Variants in DIDO1 observed in about 807,000 individuals in gnomAD.
The protein encoded by DIDO1 is death inducer-obliterator 1, also known as death-inducer obliterator 1.
Under a neutral mutation model 99.4 loss-of-function variants are expected in DIDO1, and 16 were observed. That is an observed-to-expected ratio of 0.16 (90% CI 0.11 to 0.24). DIDO1 has a LOEUF of 0.24. DIDO1 is among the 10% of genes least tolerant of loss of function. DIDO1 has a pLI of 1.00. For synonymous variants in DIDO1, 1,366 were observed against 1,239.1 expected (o/e 1.10, Z -2.15); for missense variants, 2,996 against 3,014.0 (o/e 0.99, Z 0.14).
At chr20:62,882,984 G>GC (rs2147355716) in intron 15 of DIDO1, among the ~76,000 whole-genome samples, 1 of 143,154 alleles carries the variant, frequency 7.0e-6, no homozygotes, top group Non-Finnish European at 1.5e-5. Flanking sequence ...GCGCAGTGGC[G>GC]CGAGCTCGGC....
At position 62,880,629 on chromosome 20, in the gene DIDO1, C is replaced by T; in HGVS notation, c.5327G>A (p.Gly1776Glu). ...CTCTTCTGGAAACGGAGGGGCTGGC[C>T]CCCTTGGTCCCGGGAAATTGGGGCC... ...LHGPNFPGPR[G>E]PAPPFPEENI... The change falls in exon 16 of 16, where the codon GGG (glycine) becomes GAG (glutamate). Residue 1776 changes from glycine (G) to glutamate (E), a missense_variant. Transcript: ENST00000395343. The T allele has an allele frequency of 6.2e-7, 1 of 1,612,882 alleles. No individual in the cohort carries two copies. The highest frequency in any genetic ancestry group is 1.1e-5 in the South Asian group (1 of 91,086).
At chr20:62,887,443 G>A (rs1448752191) in intron 15 of DIDO1, 2 of 985,340 alleles carry the variant, frequency 2.0e-6, no homozygotes, top group Non-Finnish European at 2.4e-6. Context: ...CTTCCCAGAA[G>A]AGCTTTCTAA....
Position 62,878,907 on chromosome 20 carries a change from TGG to T in DIDO1, c.*324_*325del. ...AACGGATGAGATGTCAGTGAAGGTA[TGG>T]CTCTAGGGTCCAACGAAACTCCCTT... On this transcript the variant is annotated 3_prime_UTR_variant, in exon 16 of 16. Coordinates refer to ENST00000395343, the MANE Select transcript of DIDO1 (RefSeq NM_001193369.2). 2 of 213,728 alleles carry T rather than the reference TGG, an allele frequency of 9.4e-6. No homozygotes were observed. The highest frequency in any genetic ancestry group is 1.8e-5 in the Non-Finnish European group (2 of 109,428). 13.2% of individuals were successfully genotyped at this position (213,728 alleles called of 1,614,324 possible). A position where few individuals can be genotyped will look rare whatever the true frequency, so the allele number is the denominator to read the frequency against.
intron 1 of DIDO1, among the ~76,000 whole-genome samples, chr20:62,923,513 C>T (rs558271060): frequency 6.6e-6 from 1 of 152,102 alleles, no homozygotes; most frequent in African/African-American, 2.4e-5. Context: ...CATGCACAGC[C>T]GTGAGAAAAA....
chr20:62,890,235 G>A, intron 15 of DIDO1: 1 of 985,954 alleles, frequency 1.0e-6, no homozygotes, highest in Non-Finnish European at 1.2e-6. Context: ...TGGCCACGGA[G>A]ACACTTCAGT....
At chr20:62,928,782 G>C (rs1041260119), upstream of DIDO1, 1 of 152,162 alleles carries the variant, frequency 6.6e-6, no homozygotes, top group African/African-American at 2.4e-5. Flanking sequence ...AGCAGGAAGG[G>C]GGCCAAGAGC....
At position 62,911,350 on chromosome 20, in the gene DIDO1, C is replaced by G. The variant is rs991198278; in HGVS notation, c.263G>C (p.Ser88Thr). ...LTIARRRGRR[S>T]MPVSLEDSGE... is the part of the protein sequence containing the mutation. Reference sequence around the variant, plus strand: ...AGAATCCTCCAGGGAGACAGGCATGCTCCTCCTGCCGCGGCGCCGCGCAAT... The same window carrying G: ...AGAATCCTCCAGGGAGACAGGCATGGTCCTCCTGCCGCGGCGCCGCGCAAT... Residue 88 changes from serine to threonine, a missense_variant, in exon 3 of 16, where the codon AGC (serine) becomes ACC (threonine). Coordinates refer to ENST00000395343, the MANE Select transcript of DIDO1 (RefSeq NM_001193369.2). The surrounding 1 kb of genome is among the most constrained non-coding windows in gnomAD (Gnocchi z 7.0). 10 of 1,609,518 alleles carry G rather than the reference C, an allele frequency of 6.2e-6. No individual in the cohort carries two copies. The highest frequency in any genetic ancestry group is 2.7e-5 in the African/African-American group (2 of 74,932).
chr20:62,880,845 C>T lies in DIDO1; in HGVS notation c.5111G>A (p.Arg1704Lys). The change falls in exon 16 of 16, where the codon AGA becomes AAA. Residue 1704 changes from arginine (R) to lysine (K), a missense_variant. This residue lies in a region of DIDO1 where 1,562 missense variants were observed against 1,412.6 expected (regional missense o/e 1.11). Coordinates refer to ENST00000395343, the MANE Select transcript of DIDO1 (RefSeq NM_001193369.2). ...GCTCCTTCCAGCAGAATGAAGATTTCTTGGGTCCTCATACTGGGCTGAGCC... is the reference window on the plus strand; with the variant it reads ...GCTCCTTCCAGCAGAATGAAGATTTTTTGGGTCCTCATACTGGGCTGAGCC... ...ALGSAQYEDP[R>K]NLHSAGRSSS... 6.2e-7 allele frequency: 1 copy of T among 1,612,826 alleles called. No homozygotes were observed. Among genetic ancestry groups the T allele is most frequent in the Non-Finnish European group, 8.5e-7 (1 of 1,179,988 alleles).
rs761535977 is a variant in DIDO1, at chr20:62,906,109, T to C, written c.1375-9A>G. ...GAGATTTTAATACCTGCCTGGATAA[T>C]CAGTAAAACCCCAAATCATTAAAAA... On this transcript the variant is annotated splice_polypyrimidine_tract_variant and intron_variant, in intron 5 of 15. Transcript: ENST00000395343. 1 of 1,602,118 alleles carries C rather than the reference T, an allele frequency of 6.2e-7. No homozygotes were observed. The highest frequency in any genetic ancestry group is 8.5e-7 in the Non-Finnish European group (1 of 1,174,106).
chr20:62,923,022 G>A (rs2065185952), intron 1 of DIDO1, among the ~76,000 whole-genome samples: 1 of 152,050 alleles, frequency 6.6e-6, no homozygotes, highest in South Asian at 2.1e-4. Context: ...GTGGGGGGTG[G>A]ACAGAGTCTT....
rs377384242 is a variant in DIDO1, at chr20:62,885,172, C to T, written c.3542-2758G>A. Among the ~76,000 whole-genome samples the T allele has an allele frequency of 5.9e-5, 9 of 152,204 alleles. No individual in the cohort carries two copies. The East Asian group carries it at 9.8e-4, about 17-fold the overall frequency. ...GAGGCTCAGGCTGAGTTCTGTAAGC[C>T]GGGCTCTGTAAGCCAGGCCCTCTGC... On this transcript the variant is annotated intron_variant, in intron 15 of 15. Transcript: ENST00000395343.
At chr20:62,890,618 A>G in intron 15 of DIDO1, 1 of 1,174,780 alleles carries the variant, frequency 8.5e-7, no homozygotes, top group Non-Finnish European at 1.1e-6. Flanking sequence ...TAGAGGAAAG[A>G]GCAGGGCCGC....
At chr20:62,897,078 T>A in intron 6 of DIDO1, 82 bp from the exon 7 acceptor site, 1 of 1,328,700 alleles carries the variant, frequency 7.5e-7, no homozygotes, top group Non-Finnish European at 1.0e-6. Flanking sequence ...GACTTACCCT[T>A]AAACCTGTAA....
Position 62,905,894 on chromosome 20 carries a change from C to T in DIDO1, c.1581G>A (p.Leu527=), listed in dbSNP as rs2064791388. Residue 527 remains leucine (L), a synonymous_variant, in exon 6 of 16, where the codon TTG becomes TTA. Transcript: ENST00000395343. ...CCCCTAGGTGATACATACATTTATA[C>T]AACAGTGACGGCGAGGGAGCAGCAG... ...EKTAAPSPSL[L]YKSTKEDRRS... 2.5e-6 allele frequency: 4 copies of T among 1,614,176 alleles called. No homozygotes were observed. The highest frequency in any genetic ancestry group is 2.2e-5 in the East Asian group (1 of 44,884).
At chr20:62,892,210 G>A in intron 13 of DIDO1, 134 bp from the exon 14 acceptor site, 1 of 749,132 alleles carries the variant, frequency 1.3e-6, no homozygotes, top group African/African-American at 1.8e-5. Context: ...AGTCACACTT[G>A]TATTAAATGC....
At position 62,926,504 on chromosome 20, in the gene DIDO1, A is replaced by C. The variant is rs1365670092; in HGVS notation, c.-265T>G. On this transcript the variant is annotated 5_prime_UTR_variant, in exon 1 of 16. Coordinates refer to ENST00000395343, the MANE Select transcript of DIDO1 (RefSeq NM_001193369.2). ...GCGGAGTGGGCGGACGGCCACCGAG[A>C]TGGCGCGGGGCTAGAGCGGCGCCCC... 2 of 151,700 alleles carry C rather than the reference A, an allele frequency of 1.3e-5. No homozygotes were observed. The highest frequency in any genetic ancestry group is 3.9e-4 in the East Asian group (2 of 5,094). The allele number at this position is 151,700 out of a possible 1,614,324, so 9.4% of individuals were successfully genotyped here. A position where few individuals can be genotyped will look rare whatever the true frequency, so the allele number is the denominator to read the frequency against.
chr20:62,901,238 CCG>C (rs1205952870), intron 6 of DIDO1, among the ~76,000 whole-genome samples: 2 of 152,194 alleles, frequency 1.3e-5, no homozygotes, highest in East Asian at 1.9e-4. Context: ...AGCTAGACTG[CCG>C]TGTTTTGGAA....
chr20:62,906,155 C>T (rs1308497835), intron 5 of DIDO1, 55 bp from the exon 6 acceptor site: 2 of 1,557,326 alleles, frequency 1.3e-6, no homozygotes, highest in Non-Finnish European at 1.7e-6. Context: ...CATACCTTCA[C>T]TTCATTTCAC....
At chr20:62,897,823 G>A (rs193225780) in intron 6 of DIDO1, among the ~76,000 whole-genome samples, 27 of 152,338 alleles carry the variant, frequency 1.8e-4, no homozygotes. Context: ...GCGTGCCAGG[G>A]GACAGATGGC....
Sources: allele counts gnomAD v4.1 joint callset (sites outside exome capture counted in the v4.1 genomes callset), GRCh38; gene constraint gnomAD v4.1.1; regional missense constraint gnomAD v4.1.1; non-coding constraint Gnocchi (gnomAD v3.1); transcripts MANE v1.5; gene names NCBI Gene and HGNC (gene_info 2026-07-23, HGNC 2026-07-21).